The following IL1RAPL2 variants were observed in gnomAD, a reference collection of about 807,000 sequenced individuals.
The protein encoded by IL1RAPL2 is interleukin 1 receptor accessory protein like 2, also known as X-linked interleukin-1 receptor accessory protein-like 2.
Under a neutral mutation model 44.1 loss-of-function variants are expected in IL1RAPL2, and 3 were observed. The ratio of observed to expected loss-of-function variants is 0.07; its 90% confidence interval spans 0.03 to 0.18. IL1RAPL2 has a LOEUF of 0.18. Among genes scored for constraint, IL1RAPL2 ranks in the 10% least tolerant of loss-of-function variants. The pLI, the probability that IL1RAPL2 is intolerant of heterozygous loss-of-function variation, is 1.00. For missense variants in IL1RAPL2, 391 were observed against 496.4 expected (o/e 0.79, Z 2.02); for synonymous variants, 181 against 178.8 (o/e 1.01, Z -0.10).
At chrX:104,843,206 C>A (rs186127739) in intron 2 of IL1RAPL2, among the ~76,000 whole-genome samples, 1 of 111,719 alleles carries the variant, frequency 9.0e-6, no homozygotes, top group African/African-American at 3.3e-5. Flanking sequence ...TAGCACTGTC[C>A]GGGGAAAACC....
chrX:105,083,449 A>T (rs1457264305), intron 2 of IL1RAPL2, among the ~76,000 whole-genome samples: 1 of 111,496 alleles, frequency 9.0e-6, no homozygotes, highest in East Asian at 2.8e-4. Flanking sequence ...GGAAATACAG[A>T]GAATACCACA....
Position 105,030,951 on chromosome X carries a change from T to C in IL1RAPL2, c.83-164524T>C, listed in dbSNP as rs1476303699. ...TGGTTTGTAGTTCTCCTTGAAGAGG[T>C]CCTTCACATCCCTTGTAAGTTGGAT... is the stretch of plus-strand genomic sequence containing the variant. On this transcript the variant is annotated intron_variant, in intron 2 of 10. Coordinates refer to ENST00000372582, the MANE Select transcript of IL1RAPL2 (RefSeq NM_017416.2). Among the ~76,000 whole-genome samples the C allele has an allele frequency of 3.6e-5, 4 of 111,261 alleles. No individual in the cohort carries two copies. The East Asian group carries it at 1.1e-3, about 32-fold the overall frequency.
At chrX:104,990,663 A>G (rs1447870384) in intron 2 of IL1RAPL2, among the ~76,000 whole-genome samples, 1 of 111,688 alleles carries the variant, frequency 9.0e-6, no homozygotes, top group Non-Finnish European at 1.9e-5. Flanking sequence ...AAGCACTAAA[A>G]CATCAATGGC....
intron 5 of IL1RAPL2, among the ~76,000 whole-genome samples, chrX:105,332,855 G>C (rs772531486): frequency 9.0e-6 from 1 of 111,622 alleles, no homozygotes; most frequent in East Asian, 2.8e-4. Context: ...GCTGATGAAA[G>C]AAATTGAAGA....
At chrX:105,528,776 A>T (rs2147792033) in intron 6 of IL1RAPL2, among the ~76,000 whole-genome samples, 1 of 111,482 alleles carries the variant, frequency 9.0e-6, no homozygotes, top group East Asian at 2.8e-4. Context: ...ATGTTCAAAA[A>T]GTTTAACATT....
At chrX:105,302,751 A>G (rs1180080789) in intron 5 of IL1RAPL2, among the ~76,000 whole-genome samples, 2 of 111,907 alleles carry the variant, frequency 1.8e-5, no homozygotes, top group Non-Finnish European at 3.8e-5. Flanking sequence ...CTCTCACTAG[A>G]TTGTCTCACT....
chrX:105,431,751 T>C (rs1040239595), intron 5 of IL1RAPL2, among the ~76,000 whole-genome samples: 26 of 111,538 alleles, frequency 2.3e-4, no homozygotes, highest in African/African-American at 6.8e-4. Context: ...CTGTTTACTC[T>C]AGATATTCTC....
At chrX:105,485,522 C>T (rs1779337318) in intron 6 of IL1RAPL2, among the ~76,000 whole-genome samples, 2 of 110,883 alleles carry the variant, frequency 1.8e-5, no homozygotes, top group Admixed American at 1.9e-4. Flanking sequence ...ACTGTAGTCA[C>T]CCTGTTGTGC....
At chrX:105,116,406 T>G (rs1004959413) in intron 2 of IL1RAPL2, among the ~76,000 whole-genome samples, 1 of 113,147 alleles carries the variant, frequency 8.8e-6, no homozygotes, top group African/African-American at 3.2e-5. Context: ...AGTAGGTACT[T>G]AGTAAACTGC....
chrX:105,619,872 T>C (rs891878795), intron 6 of IL1RAPL2, among the ~76,000 whole-genome samples: 3 of 110,664 alleles, frequency 2.7e-5, no homozygotes. Context: ...AGATGCCTAA[T>C]AGACATCTAG....
intron 4 of IL1RAPL2, among the ~76,000 whole-genome samples, chrX:105,241,074 A>C (rs1448737762): frequency 2.7e-5 from 3 of 110,989 alleles, no homozygotes; most frequent in Non-Finnish European, 5.7e-5. Flanking sequence ...AACAAACAAA[A>C]ATTTCTTATT....
chrX:105,732,332 T>C (rs757712559), intron 7 of IL1RAPL2, among the ~76,000 whole-genome samples: 1 of 111,212 alleles, frequency 9.0e-6, no homozygotes, highest in East Asian at 2.9e-4. Flanking sequence ...GAGGTGGGGC[T>C]GGTGGGAGGT....
intron 2 of IL1RAPL2, among the ~76,000 whole-genome samples, chrX:104,934,914 C>T (rs1457273715): frequency 2.7e-5 from 3 of 111,900 alleles, no homozygotes; most frequent in East Asian, 2.8e-4. Context: ...CCTTGTGCTG[C>T]GGAGTCAGGC....
intron 2 of IL1RAPL2, among the ~76,000 whole-genome samples, chrX:105,005,239 G>C (rs1415018374): frequency 2.7e-5 from 3 of 111,351 alleles, no homozygotes; most frequent in African/African-American, 9.8e-5. Context: ...TTACCTTCCT[G>C]TAGCCTCCTA....
At chrX:104,614,490 A>G (rs977893693) in intron 1 of IL1RAPL2, among the ~76,000 whole-genome samples, 1 of 111,825 alleles carries the variant, frequency 8.9e-6, no homozygotes, top group Non-Finnish European at 1.9e-5. Flanking sequence ...AGAAGAATGT[A>G]TATTCTGAGG....
intron 5 of IL1RAPL2, among the ~76,000 whole-genome samples, chrX:105,457,079 C>G (rs1374207216): frequency 1.9e-5 from 2 of 106,360 alleles, no homozygotes; most frequent in Admixed American, 2.0e-4. Flanking sequence ...CACACACACA[C>G]AGAGCTGCTG....
intron 2 of IL1RAPL2, among the ~76,000 whole-genome samples, chrX:104,917,369 A>C (rs1433718134): frequency 8.9e-6 from 1 of 112,108 alleles, no homozygotes; most frequent in African/African-American, 3.2e-5. Flanking sequence ...TGATGTTATA[A>C]TGTTCAAAAA....
At chrX:105,029,575 A>G (rs2031444642) in intron 2 of IL1RAPL2, among the ~76,000 whole-genome samples, 1 of 108,441 alleles carries the variant, frequency 9.2e-6, no homozygotes, top group African/African-American at 3.4e-5. Context: ...TACAAAGGAC[A>G]TGAACTCATC....
At chrX:104,900,229 CTT>C (rs2147672743) in intron 2 of IL1RAPL2, among the ~76,000 whole-genome samples, 1 of 111,829 alleles carries the variant, frequency 8.9e-6, no homozygotes, top group African/African-American at 3.2e-5. Flanking sequence ...TTTGCTATCA[CTT>C]TGAATTTGTA....
Sources: allele counts gnomAD v4.1 joint callset (sites outside exome capture counted in the v4.1 genomes callset), GRCh38; gene constraint gnomAD v4.1.1; transcripts MANE v1.5; gene names NCBI Gene and HGNC (gene_info 2026-07-23, HGNC 2026-07-21).